The following TNIK variants were observed in gnomAD, a reference collection of about 807,000 sequenced individuals.
TNIK encodes TRAF2 and NCK-interacting protein kinase.
TNIK carries 49 observed loss-of-function variants against 191.3 expected under a neutral mutation model. That is an observed-to-expected ratio of 0.26 (90% CI 0.20 to 0.32). TNIK has a LOEUF of 0.32. Ranked by LOEUF, TNIK falls within the 10% of genes least tolerant of loss-of-function variation. The pLI is 1.00. For missense variants in TNIK, 1,155 were observed against 1,702.3 expected, an observed-to-expected ratio of 0.68 and a Z score of 5.66; for synonymous variants, 594 against 600.9, an observed-to-expected ratio of 0.99 and a Z score of 0.17.
chr3:171,378,593 C>A (rs1163430639), intron 1 of TNIK, among the ~76,000 whole-genome samples: 1 of 152,098 alleles, frequency 6.6e-6, no homozygotes, highest in Non-Finnish European at 1.5e-5. Context: ...ATCTCCAATA[C>A]CTCGATCATG....
At chr3:171,264,109 C>T (rs532283437) in intron 2 of TNIK, among the ~76,000 whole-genome samples, 688 of 57,674 alleles carry the variant, frequency 0.012, 4 homozygotes, top group African/African-American at 0.033. Flanking sequence ...CACACACACA[C>T]ACATATATAT....
chr3:171,152,999 CTGATCTCG>C (rs1576978824), intron 12 of TNIK, among the ~76,000 whole-genome samples: 1 of 152,224 alleles, frequency 6.6e-6, no homozygotes, highest in Non-Finnish European at 1.5e-5. Context: ...TCTTGATCTC[CTGATCTCG>C]TGATCCACCT....
At chr3:171,133,342 T>C (rs1729570863) in intron 15 of TNIK, among the ~76,000 whole-genome samples, 1 of 152,182 alleles carries the variant, frequency 6.6e-6, no homozygotes, top group Admixed American at 6.5e-5. Context: ...GGTGAAGAGA[T>C]AGGCGACGCC....
At chr3:171,170,592 GAATT>G (rs894392524) in intron 9 of TNIK, among the ~76,000 whole-genome samples, 1 of 152,162 alleles carries the variant, frequency 6.6e-6, no homozygotes, top group Non-Finnish European at 1.5e-5. Context: ...TATGATAAGT[GAATT>G]AATTCATGTA....
intron 1 of TNIK, among the ~76,000 whole-genome samples, chr3:171,426,950 T>C (rs534628204): frequency 6.6e-6 from 1 of 152,254 alleles, no homozygotes; most frequent in African/African-American, 2.4e-5. Flanking sequence ...GGAAAACAGA[T>C]GTAAGATCGT....
chr3:171,243,057 G>C (rs1240934232), intron 2 of TNIK, among the ~76,000 whole-genome samples: 1 of 152,146 alleles, frequency 6.6e-6, no homozygotes, highest in East Asian at 1.9e-4. Context: ...TAAGGCTCTA[G>C]GCAAATCTTT....
chr3:171,257,661 G>T (rs1747055717), intron 2 of TNIK, among the ~76,000 whole-genome samples: 1 of 152,102 alleles, frequency 6.6e-6, no homozygotes, highest in African/African-American at 2.4e-5. Context: ...CCTAGCTGGG[G>T]TTCCCACCAG....
chr3:171,240,012 G>A (rs1289391346), intron 2 of TNIK, among the ~76,000 whole-genome samples: 2 of 152,168 alleles, frequency 1.3e-5, no homozygotes, highest in Admixed American at 6.5e-5. Flanking sequence ...GGGTAGGCCT[G>A]AATGGGAGGG....
rs568079224 is a variant in TNIK at position 171,105,754 on chromosome 3, C to T, written c.2406+1429G>A. Among the ~76,000 whole-genome samples the T allele has an allele frequency of 1.9e-3, 283 of 152,270 alleles. 2 individuals are homozygous for T. The highest frequency in any genetic ancestry group is 3.1e-3 in the Non-Finnish European group (210 of 68,020). ...TCTGTGAGAGCCTTTTCCTTAATGA[C>T]GGCCCCTCCAAGCCAATTTCTGAAC... On this transcript the variant is annotated intron_variant, in intron 21 of 32. Transcript: ENST00000436636.
intron 4 of TNIK, among the ~76,000 whole-genome samples, chr3:171,200,900 T>TA: frequency 6.6e-6 from 1 of 152,312 alleles, no homozygotes; most frequent in South Asian, 2.1e-4. Context: ...TGCAGATACT[T>TA]ACCCAGAATA....
At chr3:171,190,598 C>T (rs899491149) in intron 6 of TNIK, 99 bp downstream of exon 6, 7 of 959,372 alleles carry the variant, frequency 7.3e-6, no homozygotes, top group Non-Finnish European at 1.1e-5. Context: ...GCAATGCTCT[C>T]CAAATCCACG....
intron 2 of TNIK, among the ~76,000 whole-genome samples, chr3:171,278,026 TCAAA>T (rs899647936): frequency 1.1e-4 from 17 of 152,306 alleles, no homozygotes; most frequent in African/African-American, 4.1e-4. Flanking sequence ...AGTCCCTGTC[TCAAA>T]CAAACAAACA....
At chr3:171,221,793 T>C (rs1162931416) in intron 3 of TNIK, among the ~76,000 whole-genome samples, 1 of 152,134 alleles carries the variant, frequency 6.6e-6, no homozygotes, top group Non-Finnish European at 1.5e-5. Flanking sequence ...CTAACAACTC[T>C]GTAATTGAGG....
chr3:171,356,608 C>A (rs1045764234), intron 2 of TNIK, among the ~76,000 whole-genome samples: 1 of 152,146 alleles, frequency 6.6e-6, no homozygotes, highest in African/African-American at 2.4e-5. Flanking sequence ...AAGGGCAGGG[C>A]AAAACCAATC....
Position 171,460,346 on chromosome 3 carries a change from G to C in TNIK, c.-283C>G. On this transcript the variant is annotated 5_prime_UTR_variant, in exon 1 of 33. Coordinates refer to ENST00000436636, the MANE Select transcript of TNIK (RefSeq NM_015028.4). The surrounding 1 kb of genome is among the most constrained non-coding windows in gnomAD (Gnocchi z 6.8). ...CTAAGGGCGCTGGGGCTGCGTGGGT[G>C]TATTTAAATGGGACATGCTTCTTTG... The C allele has an allele frequency of 1.9e-6, 1 of 535,760 alleles. No individual in the cohort carries two copies. Among genetic ancestry groups the C allele is most frequent in the Non-Finnish European group, 3.3e-6 (1 of 300,768 alleles). The allele number at this position is 535,760 out of a possible 1,614,324, so 33.2% of individuals were successfully genotyped here.
chr3:171,400,297 G>C (rs1434025850), intron 1 of TNIK, among the ~76,000 whole-genome samples: 1 of 152,132 alleles, frequency 6.6e-6, no homozygotes, highest in Middle Eastern at 3.2e-3. Flanking sequence ...AGGCACGGTA[G>C]GTCACACCTG....
chr3:171,438,650 G>C (rs747095529), intron 1 of TNIK, among the ~76,000 whole-genome samples: 10 of 152,218 alleles, frequency 6.6e-5, no homozygotes, highest in African/African-American at 9.6e-5. Flanking sequence ...AGTGTGAACA[G>C]AGCAAGGCAG....
At chr3:171,089,891 C>G (rs1444296910) in intron 23 of TNIK, among the ~76,000 whole-genome samples, 2 of 152,132 alleles carry the variant, frequency 1.3e-5, no homozygotes, top group African/African-American at 4.8e-5. Flanking sequence ...GACACGGGTT[C>G]TAAGTGGTTT....
intron 23 of TNIK, among the ~76,000 whole-genome samples, chr3:171,091,363 A>C (rs981807039): frequency 2.0e-5 from 3 of 152,192 alleles, no homozygotes; most frequent in Non-Finnish European, 4.4e-5. Context: ...GATTTATACC[A>C]ACAGCTTCCC....
Sources: gnomAD v4.1 joint callset for allele counts (sites outside exome capture counted in the v4.1 genomes callset) on GRCh38, gnomAD v4.1.1 for gene constraint, Gnocchi (gnomAD v3.1) non-coding constraint, MANE v1.5 for transcripts, NCBI Gene and HGNC (gene_info 2026-07-23, HGNC 2026-07-21) for gene names.